PFKM: variants seen among roughly 807,000 people sequenced by gnomAD.
PFKM encodes phosphofructokinase, muscle.
A neutral mutation model predicts 95.5 loss-of-function variants in PFKM; 58 were observed. That is an observed-to-expected ratio of 0.61 (90% CI 0.49 to 0.76). PFKM has a LOEUF of 0.76. Ranked by LOEUF, PFKM falls within the 30% of genes least tolerant of loss-of-function variation. PFKM has a pLI of 0.00. For missense variants in PFKM, 678 were observed against 1,005.4 expected (o/e 0.67, Z 4.40); for synonymous variants, 336 against 357.2 (o/e 0.94, Z 0.67).
rs1259100302 is a variant in PFKM, at chr12:48,123,534, T to TA, written c.85+683dup. On this transcript the variant is annotated intron_variant, in intron 2 of 22. Transcript: ENST00000359794. The stretch of plus-strand genomic sequence containing the variant: ...GGGAGTAAGAGGGTATTGATTTTTT[T>TA]AAAAAAAACTTTTTCTCCTTTGATC... Among the ~76,000 whole-genome samples, 4 of 152,132 alleles carry TA rather than the reference T, an allele frequency of 2.6e-5. No homozygotes were observed. In the East Asian group the frequency reaches 7.7e-4, roughly 29 times the overall value.
chr12:48,139,857 T>C lies in PFKM; in HGVS notation c.1136T>C (p.Met379Thr), dbSNP rs767271217. 7 of 1,610,412 alleles carry C rather than the reference T, an allele frequency of 4.3e-6. No homozygotes were observed. The South Asian group carries it at 7.7e-5, about 18-fold the overall frequency. The part of the protein sequence containing the change: ...EALKLRGRSF[M>T]NNWEVYKLLA... ...ATTTGTACTTCCTACAGGAGCTTCA[T>C]GAACAACTGGGAGGTGTACAAGCTT... The change falls in exon 13 of 23, where the codon ATG (methionine) becomes ACG (threonine). Residue 379 changes from methionine (M) to threonine (T), a missense_variant. Coordinates refer to ENST00000359794, the MANE Select transcript of PFKM (RefSeq NM_000289.6).
intron 1 of PFKM, chr12:48,107,269 G>A (rs1358459126): frequency 1.3e-6 from 1 of 764,532 alleles, no homozygotes; most frequent in African/African-American, 1.7e-5. Context: ...CAAGTCCTAA[G>A]GCCAAGTAGT....
At position 48,139,308 on chromosome 12, in the gene PFKM, G is replaced by A. The variant is rs751471591; in HGVS notation, c.1086G>A (p.Met362Ile). The A allele has an allele frequency of 6.2e-7, 1 of 1,613,874 alleles. No individual in the cohort carries two copies. The highest frequency in any genetic ancestry group is 2.2e-5 in the East Asian group (1 of 44,872). ...VQVTKDVTKA[M>I]DEKKFDEALK... is the part of the protein sequence containing the mutation. ...AGACCAAAGATGTGACCAAGGCCAT[G>A]GATGAGAAGAAATTTGACGAAGCCC... The change falls in exon 12 of 23, where the codon ATG becomes ATA. Residue 362 changes from methionine (M) to isoleucine (I), a missense_variant. Transcript: ENST00000359794.
intron 3 of PFKM, among the ~76,000 whole-genome samples, chr12:48,113,514 G>T (rs561247563): frequency 2.6e-5 from 4 of 152,194 alleles, no homozygotes; most frequent in Admixed American, 1.3e-4. Flanking sequence ...GTGGGGTCCC[G>T]CACAGATGGG....
At chr12:48,127,746 C>T (rs1949007589) in intron 2 of PFKM, among the ~76,000 whole-genome samples, 1 of 152,224 alleles carries the variant, frequency 6.6e-6, no homozygotes. Flanking sequence ...TCCCTCTGCT[C>T]TCTAAATTCT....
rs762637696 is a variant in PFKM at position 48,139,368 on chromosome 12, G to A, written c.1127+19G>A. 10 of 1,599,268 alleles carry A rather than the reference G, an allele frequency of 6.3e-6. No individual in the cohort carries two copies. The Admixed American group carries it at 1.2e-4, about 19-fold the overall frequency. On this transcript the variant is annotated intron_variant, in intron 12 of 22. Transcript: ENST00000359794. ...GAGGCCGGTGAGGAGATGACGGGAA[G>A]CTCACTAGCTACAGAAATCAGAGGC...
At chr12:48,130,323 G>A in intron 2 of PFKM, 40 bp from the exon 3 acceptor site, 3 of 1,497,232 alleles carry the variant, frequency 2.0e-6, no homozygotes, top group Middle Eastern at 1.7e-4. Flanking sequence ...CCTTTTCTTA[G>A]GAGCAACCTC....
intron 3 of PFKM, among the ~76,000 whole-genome samples, chr12:48,113,697 A>G (rs1483204709): frequency 6.6e-6 from 1 of 152,268 alleles, no homozygotes; most frequent in East Asian, 1.9e-4. Context: ...TTTCTCTCAC[A>G]GTGGAGGCAA....
At chr12:48,121,609 G>C in intron 1 of PFKM, among the ~76,000 whole-genome samples, 1 of 152,120 alleles carries the variant, frequency 6.6e-6, no homozygotes, top group East Asian at 1.9e-4. Flanking sequence ...CGTAAAACTT[G>C]GGTTCCTGTG....
intron 3 of PFKM, among the ~76,000 whole-genome samples, chr12:48,112,833 T>G (rs560643170): frequency 1.3e-5 from 2 of 152,124 alleles, no homozygotes; most frequent in African/African-American, 4.8e-5. Context: ...AACAGGTGAG[T>G]GATAACAGGC....
upstream of PFKM, chr12:48,119,194 C>A: frequency 1.3e-6 from 1 of 781,222 alleles, no homozygotes; most frequent in Non-Finnish European, 1.6e-6. Flanking sequence ...GAGCTGAGTA[C>A]TTAGGGGGAG....
At chr12:48,142,600 G>A (rs1341150882) in intron 17 of PFKM, among the ~76,000 whole-genome samples, 182 bp from the exon 18 acceptor site, 3 of 151,838 alleles carry the variant, frequency 2.0e-5, no homozygotes, top group South Asian at 2.1e-4. Context: ...CAGGAGAGAC[G>A]TTCTGCAGTG....
At chr12:48,137,512 T>C (rs1254636429) in intron 10 of PFKM, 1 of 605,674 alleles carries the variant, frequency 1.7e-6, no homozygotes, top group East Asian at 2.8e-5. Context: ...AGTAGAATCT[T>C]TGGGGTTCCG....
At position 48,109,133 on chromosome 12, in the gene PFKM, T is replaced by C. The variant is rs1373479347; in HGVS notation, c.205+939T>C. ...TTATGATTAAGGACGGGAGATAATA[T>C]GGAACAATGTGTAAGTTAAGAACTT... On this transcript the variant is annotated intron_variant, in intron 3 of 24. Transcript: ENST00000340802. 6.6e-5 allele frequency among the ~76,000 whole-genome samples: 10 copies of C among 152,356 alleles called. No individual in the cohort carries two copies. In the East Asian group the frequency reaches 9.6e-4, roughly 15 times the overall value.
chr12:48,106,885 T>C (rs1592551057), intron 1 of PFKM, among the ~76,000 whole-genome samples: 2 of 152,218 alleles, frequency 1.3e-5, no homozygotes, highest in African/African-American at 4.8e-5. Context: ...GAATCACCTG[T>C]GACCTTTGAA....
chr12:48,108,350 A>AAG (rs950173579), intron 3 of PFKM, among the ~76,000 whole-genome samples: 1 of 151,844 alleles, frequency 6.6e-6, no homozygotes, highest in Non-Finnish European at 1.5e-5. Context: ...GAGAGAGAGA[A>AAG]AGAGAGAGAG....
At position 48,133,498 on chromosome 12, in the gene PFKM, G is replaced by C. The variant is rs201488762; in HGVS notation, c.593+18G>C. 8.7e-6 allele frequency: 14 copies of C among 1,611,352 alleles called. No individual in the cohort carries two copies. The highest frequency in any genetic ancestry group is 1.0e-5 in the Non-Finnish European group (12 of 1,177,514). ...GCCCAGAGGTAAGGGGACTTGGGAG[G>C]TAGGCAGTGTAAGAAGATGGCAGCT... On this transcript the variant is annotated intron_variant, in intron 6 of 22. Transcript: ENST00000359794.
In PFKM at chr12:48,124,185, C is replaced by T. The variant is rs190237016; in HGVS notation, c.85+1326C>T. Among the ~76,000 whole-genome samples, 61 of 152,182 alleles carry T rather than the reference C, an allele frequency of 4.0e-4. No homozygotes were observed. In the East Asian group the frequency reaches 0.012, roughly 29 times the overall value. ...TATAATTGTGATATAGGTTATGAATCAGAAAGTGCTAGAATGAAGAAACTG... is the reference window on the plus strand; with the variant it reads ...TATAATTGTGATATAGGTTATGAATTAGAAAGTGCTAGAATGAAGAAACTG... On this transcript the variant is annotated intron_variant, in intron 2 of 22. Coordinates refer to ENST00000359794, the MANE Select transcript of PFKM (RefSeq NM_000289.6).
intron 1 of PFKM, among the ~76,000 whole-genome samples, chr12:48,121,005 G>A (rs971289940): frequency 6.6e-6 from 1 of 152,194 alleles, no homozygotes; most frequent in African/African-American, 2.4e-5. Flanking sequence ...ACAAAAATTA[G>A]CCGGGTGTGG....
Sources: gnomAD v4.1 joint callset for allele counts (sites outside exome capture counted in the v4.1 genomes callset) on GRCh38, gnomAD v4.1.1 for gene constraint, MANE v1.5 for transcripts, NCBI Gene and HGNC (gene_info 2026-07-23, HGNC 2026-07-21) for gene names.